The following PLEKHH1 variants were observed in gnomAD, a reference collection of about 807,000 sequenced individuals.
The protein encoded by PLEKHH1 is pleckstrin homology domain-containing family H member 1.
In PLEKHH1, 104 loss-of-function variants were observed where a neutral mutation model predicts 160.0. That is an observed-to-expected ratio of 0.65 (90% confidence interval 0.55 to 0.76). The LOEUF is 0.76. Among genes scored for constraint, PLEKHH1 ranks in the 30% least tolerant of loss-of-function variants. PLEKHH1 has a pLI of 0.00. For synonymous variants in PLEKHH1, 619 were observed against 678.4 expected (o/e 0.91, Z 1.36); for missense variants, 1,427 against 1,724.1 (o/e 0.83, Z 3.05).
At chr14:67,557,162 G>A in intron 3 of PLEKHH1, 107 bp from the exon 4 acceptor site, 3 of 823,348 alleles carry the variant, frequency 3.6e-6, no homozygotes, top group Non-Finnish European at 3.9e-6. Flanking sequence ...GGCTGTGCCT[G>A]GGAGTCACAG....
At chr14:67,580,777 T>C (rs943776858) in intron 22 of PLEKHH1, 161 bp from the exon 23 acceptor site, 12 of 582,532 alleles carry the variant, frequency 2.1e-5, no homozygotes, top group Non-Finnish European at 3.7e-5. Context: ...TGCTGCCACC[T>C]TGGGTCCAGG....
At chr14:67,575,001 G>A (rs1035591723) in intron 14 of PLEKHH1, among the ~76,000 whole-genome samples, 9 of 152,180 alleles carry the variant, frequency 5.9e-5, no homozygotes. Flanking sequence ...CTTCGCCCGT[G>A]TGCAGCTTCT....
intron 15 of PLEKHH1, 140 bp from the exon 16 acceptor site, chr14:67,575,683 G>C (rs920282689): frequency 1.4e-6 from 1 of 733,938 alleles, no homozygotes; most frequent in East Asian, 2.7e-5. Context: ...GCCTGGCTGG[G>C]ATGCTATAGT....
chr14:67,562,829 G>C lies in PLEKHH1; in HGVS notation c.1198G>C (p.Glu400Gln), dbSNP rs1396427531. The change falls in exon 7 of 29, where the codon GAG becomes CAG. Residue 400 changes from glutamate to glutamine, a missense_variant. Transcript: ENST00000329153. Reference protein sequence around the residue: ...ERESPKALGAELEEVELGNKP... With the variant: ...ERESPKALGAQLEEVELGNKP... ...AGAGAGCCCAAAGGCCCTTGGAGCT[G>C]AGCTGGAGGAAGTGGAGCTGGGTAA... 2.5e-6 allele frequency: 4 copies of C among 1,613,770 alleles called. No homozygotes were observed. In the South Asian group the frequency reaches 4.4e-5, roughly 18 times the overall value.
rs2034883520 is a variant in PLEKHH1, at chr14:67,562,433, C to A, written c.802C>A (p.Pro268Thr). Residue 268 changes from proline (P) to threonine (T), a missense_variant, in exon 7 of 29, where the codon CCA becomes ACA. Physicochemically the swap from Pro to Thr is conservative, Grantham distance 38. Transcript: ENST00000329153. The stretch of plus-strand genomic sequence containing the variant: ...GGGAAGAGAGAGCCCTCCCCACCAG[C>A]CATGCATGAAGCTTCTTACCTTCAG... ...HLGRESPPHQ[P>T]CMKLLTFRCS... is the part of the protein sequence containing the mutation. The A allele has an allele frequency of 1.9e-6, 3 of 1,613,708 alleles. No individual in the cohort carries two copies. The highest frequency in any genetic ancestry group is 2.5e-6 in the Non-Finnish European group (3 of 1,179,728).
chr14:67,553,777 C>A (rs1435119199), intron 2 of PLEKHH1, among the ~76,000 whole-genome samples: 1 of 152,226 alleles, frequency 6.6e-6, no homozygotes, highest in Non-Finnish European at 1.5e-5. Context: ...GGTCAAGGAA[C>A]TCCTCTGGGA....
intron 1 of PLEKHH1, among the ~76,000 whole-genome samples, chr14:67,534,845 T>C (rs756199947): frequency 8.5e-5 from 13 of 152,312 alleles, no homozygotes; most frequent in Middle Eastern, 3.4e-3. Flanking sequence ...CATTTACCCC[T>C]AAATTCCATT....
intron 1 of PLEKHH1, chr14:67,533,747 C>T (rs1056365588): frequency 6.6e-6 from 1 of 152,224 alleles, no homozygotes; most frequent in African/African-American, 2.4e-5. Context: ...CTTCCCGCAC[C>T]CCTCCCCATC....
chr14:67,551,410 G>A (rs2034384746), intron 2 of PLEKHH1, among the ~76,000 whole-genome samples: 1 of 152,040 alleles, frequency 6.6e-6, no homozygotes, highest in Non-Finnish European at 1.5e-5. Context: ...ACTTTACATG[G>A]GGCAGCTTGT....
At position 67,588,542 on chromosome 14, in the gene PLEKHH1, T is replaced by C. The variant is rs913249320; in HGVS notation, c.*1307T>C. ...CTGATAATACCATAATCCCCCTCAA[T>C]TCAGACCTTCTGATTGAGTGCAGAG... On this transcript the variant is annotated 3_prime_UTR_variant, in exon 29 of 29. Transcript: ENST00000329153. 2 of 152,020 alleles carry C rather than the reference T, an allele frequency of 1.3e-5. No homozygotes were observed. The highest frequency in any genetic ancestry group is 4.8e-5 in the African/African-American group (2 of 41,384). The allele number at this position is 152,020 out of a possible 1,614,324, so 9.4% of individuals were successfully genotyped here. A position where few individuals can be genotyped will look rare whatever the true frequency, so the allele number is the denominator to read the frequency against.
intron 8 of PLEKHH1, 69 bp from the exon 9 acceptor site, chr14:67,569,852 C>T: frequency 1.0e-6 from 1 of 987,790 alleles, no homozygotes; most frequent in Non-Finnish European, 1.6e-6. Flanking sequence ...CTGCCCAGTT[C>T]TCTGCTTCCC....
rs191000026 is a variant in PLEKHH1, at chr14:67,568,412, A to G, written c.1264-726A>G. Reference sequence around the variant, plus strand: ...CTGGACAATGAGAACACATGGACACAGGGAGGGGAACATACTTAGTGGGGC... The same window carrying G: ...CTGGACAATGAGAACACATGGACACGGGGAGGGGAACATACTTAGTGGGGC... On this transcript the variant is annotated intron_variant, in intron 7 of 28. Coordinates refer to ENST00000329153, the MANE Select transcript of PLEKHH1 (RefSeq NM_020715.3). Among the ~76,000 whole-genome samples, 97 of 152,262 alleles carry G rather than the reference A, an allele frequency of 6.4e-4. 1 individual carries two copies. Among genetic ancestry groups the G allele is most frequent in the Non-Finnish European group, 1.1e-3 (73 of 68,016 alleles).
chr14:67,567,859 TC>T (rs2035181729), intron 7 of PLEKHH1, among the ~76,000 whole-genome samples: 1 of 152,244 alleles, frequency 6.6e-6, no homozygotes, highest in Non-Finnish European at 1.5e-5. Context: ...CCTTGGTGAC[TC>T]ACGTCACCTT....
chr14:67,585,821 A>G (rs2036131612), intron 27 of PLEKHH1, 130 bp from the exon 28 acceptor site: 1 of 1,094,214 alleles, frequency 9.1e-7, no homozygotes, highest in Admixed American at 2.1e-5. Context: ...GATATTCAAG[A>G]TGGAGATCTC....
chr14:67,580,880 T>C (rs1260316043), intron 22 of PLEKHH1, 58 bp from the exon 23 acceptor site: 1 of 1,136,544 alleles, frequency 8.8e-7, no homozygotes, highest in Non-Finnish European at 1.3e-6. Flanking sequence ...TGGCTGGACC[T>C]TGATCCCTTC....
At chr14:67,552,192 ACCT>A (rs1399192850) in intron 2 of PLEKHH1, among the ~76,000 whole-genome samples, 1 of 152,012 alleles carries the variant, frequency 6.6e-6, no homozygotes, top group Non-Finnish European at 1.5e-5. Context: ...TAAACCTGAC[ACCT>A]CCTTGGCTGG....
chr14:67,559,392 C>A (rs947566185), intron 4 of PLEKHH1, among the ~76,000 whole-genome samples: 3 of 152,188 alleles, frequency 2.0e-5, no homozygotes, highest in African/African-American at 7.2e-5. Context: ...GTTTATTCAG[C>A]CAACCCCTTC....
chr14:67,539,175 C>T (rs1281166066), intron 1 of PLEKHH1, among the ~76,000 whole-genome samples: 1 of 152,156 alleles, frequency 6.6e-6, no homozygotes, highest in East Asian at 1.9e-4. Flanking sequence ...CAGTAAAGGA[C>T]AAGGAAAAAT....
At chr14:67,544,225 A>G (rs946630893) in intron 2 of PLEKHH1, among the ~76,000 whole-genome samples, 5 of 152,214 alleles carry the variant, frequency 3.3e-5, no homozygotes, top group African/African-American at 1.2e-4. Context: ...AGCTTCTCAG[A>G]CTTAGTTAAG....
Sources: gnomAD v4.1 joint callset for allele counts (sites outside exome capture counted in the v4.1 genomes callset) on GRCh38, gnomAD v4.1.1 for gene constraint, MANE v1.5 for transcripts, NCBI Gene and HGNC (gene_info 2026-07-23, HGNC 2026-07-21) for gene names.